Variants in ALS2 observed in about 807,000 individuals in gnomAD.
ALS2 encodes the protein alsin Rho guanine nucleotide exchange factor ALS2.
ALS2 carries 117 observed loss-of-function variants against 203.4 expected under a neutral mutation model. The ratio of observed to expected loss-of-function variants is 0.58; its 90% CI spans 0.50 to 0.67. The LOEUF (loss-of-function observed/expected upper bound fraction) is 0.67. Ranked by LOEUF, ALS2 falls within the 30% of genes least tolerant of loss-of-function variation. The pLI is 0.00. For synonymous variants in ALS2, 718 were observed against 725.9 expected, an observed-to-expected ratio of 0.99 and a Z score of 0.17; for missense variants, 1,715 against 1,989.4, an observed-to-expected ratio of 0.86 and a Z score of 2.62.
At chr2:201,734,200 T>G (rs985767823) in intron 12 of ALS2, among the ~76,000 whole-genome samples, 4 of 152,148 alleles carry the variant, frequency 2.6e-5, no homozygotes, top group African/African-American at 9.7e-5. Flanking sequence ...GTGAGCTGGG[T>G]GCAGTGGTTC....
chr2:201,736,460 C>T (rs935128550), intron 12 of ALS2, among the ~76,000 whole-genome samples: 3 of 151,926 alleles, frequency 2.0e-5, no homozygotes, highest in Admixed American at 2.0e-4. Context: ...TCAGCTAAAG[C>T]AACAATTAGA....
At chr2:201,738,765 T>G in intron 11 of ALS2, 30 bp from the exon 12 acceptor site, 1 of 1,566,994 alleles carries the variant, frequency 6.4e-7, no homozygotes, top group Non-Finnish European at 8.8e-7. Context: ...ACATGTACAT[T>G]AGTTGAAATG....
At chr2:201,736,607 A>G (rs1440880565) in intron 12 of ALS2, among the ~76,000 whole-genome samples, 1 of 152,158 alleles carries the variant, frequency 6.6e-6, no homozygotes, top group Non-Finnish European at 1.5e-5. Flanking sequence ...AAAAGCAGAA[A>G]TTAATGAAAT....
At chr2:201,720,719 A>C (rs887610149) in intron 23 of ALS2, among the ~76,000 whole-genome samples, 2 of 97,330 alleles carry the variant, frequency 2.1e-5, no homozygotes, top group Non-Finnish European at 4.0e-5. Context: ...ATCTCAACAC[A>C]CACACACACA....
chr2:201,727,369 C>T, intron 16 of ALS2, 91 bp from the exon 17 acceptor site: 1 of 1,094,072 alleles, frequency 9.1e-7, no homozygotes. Flanking sequence ...CTCTTTATTT[C>T]AAGAGGAACA....
intron 6 of ALS2, among the ~76,000 whole-genome samples, chr2:201,754,218 G>A (rs1055601995): frequency 8.6e-5 from 13 of 151,878 alleles, no homozygotes; most frequent in African/African-American, 3.1e-4. Flanking sequence ...TTGCCATGTT[G>A]GCCAGCCTGG....
chr2:201,766,230 C>G (rs1348713181), intron 3 of ALS2, among the ~76,000 whole-genome samples: 1 of 152,080 alleles, frequency 6.6e-6, no homozygotes, highest in South Asian at 2.1e-4. Context: ...TATTTATTAC[C>G]ATAAAATTTT....
chr2:201,769,036 C>A, intron 1 of ALS2, 91 bp from the exon 2 acceptor site: 1 of 610,012 alleles, frequency 1.6e-6, no homozygotes, highest in Non-Finnish European at 2.8e-6. Context: ...AACAAGTGCA[C>A]ATTCACTAGG....
At chr2:201,774,387 G>A (rs933802089) in intron 1 of ALS2, among the ~76,000 whole-genome samples, 3 of 152,224 alleles carry the variant, frequency 2.0e-5, no homozygotes, top group African/African-American at 7.2e-5. Flanking sequence ...TTTGTGGTGG[G>A]AGGATAAGGG....
rs1694137725 is a variant in ALS2 at position 201,767,250 on chromosome 2, G to A, written c.154C>T (p.His52Tyr). 3.7e-6 allele frequency: 6 copies of A among 1,614,034 alleles called. No individual in the cohort carries two copies. Among genetic ancestry groups the A allele is most frequent in the Non-Finnish European group, 5.1e-6 (6 of 1,180,006 alleles). Reference sequence around the variant, plus strand: ...TTACCTTCAGTCAGAAGAACTCCATGTTTCACTCCGAGGGCTGCCTGCAAA... The same window carrying A: ...TTACCTTCAGTCAGAAGAACTCCATATTTCACTCCGAGGGCTGCCTGCAAA... ...TVLQAALGVK[H>Y]GVLLTEDGEV... The change falls in exon 3 of 34, where the codon CAT (histidine) becomes TAT (tyrosine). Residue 52 changes from histidine (H) to tyrosine (Y), a missense_variant. Transcript: ENST00000264276.
intron 23 of ALS2, chr2:201,722,468 T>A (rs1423991347): frequency 6.6e-6 from 1 of 152,364 alleles, no homozygotes; most frequent in East Asian, 1.9e-4. Flanking sequence ...AACTTAGCAA[T>A]TACACTCCAG....
rs537778118 is a variant in ALS2 at position 201,767,034 on chromosome 2, T to A, written c.175+195A>T. On this transcript the variant is annotated intron_variant, in intron 3 of 33. Coordinates refer to ENST00000264276, the MANE Select transcript of ALS2 (RefSeq NM_020919.4). ...GTGCAGCATACCAACATGGCACATGTATACATAAGTAACAAACCTACACGT... is the reference window on the plus strand; with the variant it reads ...GTGCAGCATACCAACATGGCACATGAATACATAAGTAACAAACCTACACGT... 3.3e-5 allele frequency among the ~76,000 whole-genome samples: 5 copies of A among 151,328 alleles called. No homozygotes were observed. In the South Asian group the frequency reaches 1.1e-3, roughly 32 times the overall value.
At chr2:201,749,242 A>G (rs1156436045) in intron 8 of ALS2, among the ~76,000 whole-genome samples, 1 of 151,952 alleles carries the variant, frequency 6.6e-6, no homozygotes, top group Admixed American at 6.6e-5. Flanking sequence ...ATTCACCTCT[A>G]CTTTTAGCTT....
intron 30 of ALS2, 99 bp from the exon 31 acceptor site, chr2:201,705,299 G>T: frequency 1.4e-6 from 2 of 1,463,002 alleles, no homozygotes; most frequent in Non-Finnish European, 1.9e-6. Context: ...GGTAATAACA[G>T]ATGCAAACAC....
intron 4 of ALS2, chr2:201,759,372 A>C (rs1436494845): frequency 2.1e-6 from 2 of 955,780 alleles, no homozygotes; most frequent in Non-Finnish European, 1.2e-6. Flanking sequence ...TTGCCCTAAA[A>C]CAAATAAATT....
intron 4 of ALS2, among the ~76,000 whole-genome samples, chr2:201,759,100 G>GT (rs1693597177): frequency 6.6e-6 from 1 of 152,068 alleles, no homozygotes; most frequent in Admixed American, 6.6e-5. Flanking sequence ...GTATTTAGAG[G>GT]TAACTATTTT....
rs16838095 is a variant in ALS2 at position 201,711,242 on chromosome 2, C to A, written c.4005-134G>T. 0.072 allele frequency: 46,906 copies of A among 647,942 alleles called. 2,536 individuals carry two copies. Among genetic ancestry groups the A allele is most frequent in the East Asian group, 0.24 (8,958 of 37,110 alleles). The allele number at this position is 647,942 out of a possible 1,614,324, so 40.1% of individuals were successfully genotyped here. A position where few individuals can be genotyped will look rare whatever the true frequency, so the allele number is the denominator to read the frequency against. The stretch of plus-strand genomic sequence containing the variant: ...AACGTAGTACTAAACCCAACGAACT[C>A]AGAAATCATCACGATCCTGCTATTA... On this transcript the variant is annotated intron_variant, in intron 25 of 33. Coordinates refer to ENST00000264276, the MANE Select transcript of ALS2 (RefSeq NM_020919.4).
intron 6 of ALS2, 137 bp downstream of exon 6, chr2:201,754,364 CAG>C: frequency 9.0e-7 from 1 of 1,113,702 alleles, no homozygotes; most frequent in Non-Finnish European, 1.4e-6. Flanking sequence ...AGCTTTTTAT[CAG>C]AGTTAATGGT....
chr2:201,777,889 T>A (rs1489522023), intron 1 of ALS2, among the ~76,000 whole-genome samples: 1 of 152,178 alleles, frequency 6.6e-6, no homozygotes, highest in Non-Finnish European at 1.5e-5. Context: ...ATCTAGCTCA[T>A]TCATTTTTAT....
Sources: gnomAD v4.1 joint callset for allele counts (sites outside exome capture counted in the v4.1 genomes callset) on GRCh38, gnomAD v4.1.1 for gene constraint, MANE v1.5 for transcripts, NCBI Gene and HGNC (gene_info 2026-07-23, HGNC 2026-07-21) for gene names.